SEMA3C: variants seen among roughly 807,000 people sequenced by gnomAD.
SEMA3C encodes the protein semaphorin 3C.
In SEMA3C, 47 loss-of-function variants were observed where a neutral mutation model predicts 89.4. That is an observed-to-expected ratio of 0.53 (90% CI 0.42 to 0.67). The LOEUF (loss-of-function observed/expected upper bound fraction) is 0.67, where lower values mean the gene tolerates loss of function less well. SEMA3C is among the 30% of genes least tolerant of loss of function. The probability of loss-of-function intolerance (pLI) is 0.00; values close to 1 mark genes in which losing one functional copy is unlikely to be tolerated. For synonymous variants in SEMA3C, 310 were observed against 320.2 expected, an observed-to-expected ratio of 0.97 and a Z score of 0.34; for missense variants, 839 against 929.1, an observed-to-expected ratio of 0.90 and a Z score of 1.26.
At chr7:80,863,269 A>G (rs1417422968) in intron 2 of SEMA3C, among the ~76,000 whole-genome samples, 2 of 151,452 alleles carry the variant, frequency 1.3e-5, no homozygotes, top group South Asian at 2.1e-4. Context: ...ACTAATGATC[A>G]GGGAAATGCA....
chr7:80,823,653 T>G (rs1789805511), intron 4 of SEMA3C, among the ~76,000 whole-genome samples: 1 of 152,070 alleles, frequency 6.6e-6, no homozygotes, highest in Non-Finnish European at 1.5e-5. Flanking sequence ...GGTTGTATGG[T>G]CACAGAAATA....
chr7:80,920,761 A>G (rs921320770), upstream of SEMA3C, among the ~76,000 whole-genome samples: 1 of 152,238 alleles, frequency 6.6e-6, no homozygotes, highest in South Asian at 2.1e-4. Context: ...TTAACCCCCC[A>G]AAAACTGACA....
chr7:80,809,324 T>C (rs1473472129), intron 6 of SEMA3C, among the ~76,000 whole-genome samples: 1 of 152,178 alleles, frequency 6.6e-6, no homozygotes, highest in African/African-American at 2.4e-5. Flanking sequence ...CACGTGCACT[T>C]TGTTCATCTT....
At chr7:80,845,240 G>A (rs576936289) in intron 2 of SEMA3C, among the ~76,000 whole-genome samples, 4 of 152,246 alleles carry the variant, frequency 2.6e-5, no homozygotes, top group African/African-American at 7.2e-5. Context: ...GGAAATGGGA[G>A]ACAAAAGGTA....
intron 16 of SEMA3C, among the ~76,000 whole-genome samples, chr7:80,749,498 C>T (rs1787877412): frequency 6.6e-6 from 1 of 152,100 alleles, no homozygotes; most frequent in East Asian, 1.9e-4. Flanking sequence ...TAGGTAAGCA[C>T]TGGGAAAGGG....
At chr7:80,835,909 A>G (rs560609421) in intron 2 of SEMA3C, among the ~76,000 whole-genome samples, 16 of 152,352 alleles carry the variant, frequency 1.1e-4, no homozygotes, top group African/African-American at 3.8e-4. Context: ...AGACTAAAAG[A>G]GGCAAGATTT....
chr7:80,819,537 T>C (rs1342699450), intron 4 of SEMA3C, among the ~76,000 whole-genome samples: 7 of 152,174 alleles, frequency 4.6e-5, no homozygotes, highest in Non-Finnish European at 8.8e-5. Context: ...ACCTTAAGAA[T>C]TGGCAAATAA....
chr7:80,910,619 C>A (rs1792120520), intron 2 of SEMA3C, among the ~76,000 whole-genome samples: 1 of 150,686 alleles, frequency 6.6e-6, no homozygotes, highest in African/African-American at 2.4e-5. Context: ...CTGGAATCTG[C>A]CCAAAGCTCA....
At chr7:80,805,174 T>G (rs921527752) in intron 7 of SEMA3C, among the ~76,000 whole-genome samples, 5 of 152,048 alleles carry the variant, frequency 3.3e-5, no homozygotes, top group African/African-American at 9.7e-5. Context: ...GTTTTGTAAT[T>G]TTAGAATCTA....
intron 2 of SEMA3C, among the ~76,000 whole-genome samples, chr7:80,864,000 ATATATCGCATG>A (rs1157070207): frequency 1.3e-5 from 2 of 150,546 alleles, no homozygotes; most frequent in African/African-American, 2.4e-5. Flanking sequence ...TATATCACAT[ATATATCGCATG>A]TATATCACAT....
chr7:80,858,706 T>C (rs1466209324), intron 2 of SEMA3C, among the ~76,000 whole-genome samples: 2 of 152,062 alleles, frequency 1.3e-5, no homozygotes, highest in Non-Finnish European at 2.9e-5. Flanking sequence ...AAAGCTTGAG[T>C]TATATCAGGT....
intron 6 of SEMA3C, among the ~76,000 whole-genome samples, chr7:80,808,796 C>T (rs919689149): frequency 3.3e-5 from 5 of 152,150 alleles, no homozygotes; most frequent in African/African-American, 1.2e-4. Flanking sequence ...AACTCAGAGA[C>T]AGAGTTTCAC....
chr7:80,748,515 G>A (rs997617107), intron 17 of SEMA3C, among the ~76,000 whole-genome samples: 2 of 152,162 alleles, frequency 1.3e-5, no homozygotes, highest in Non-Finnish European at 2.9e-5. Flanking sequence ...ATTTCTTGCT[G>A]AGGAAAACTG....
At chr7:80,820,938 C>T (rs940562691) in intron 4 of SEMA3C, among the ~76,000 whole-genome samples, 1 of 152,064 alleles carries the variant, frequency 6.6e-6, no homozygotes, top group Non-Finnish European at 1.5e-5. Flanking sequence ...ATGTCTCTCT[C>T]ATCTTGGGTC....
chr7:80,804,143 G>T lies in SEMA3C; in HGVS notation c.764C>A (p.Thr255Lys). ...AGCAATCATGGAATGAATCTGTTTC[G>T]TGCTCCTGTTATTGTCAGTCAGTTT... ...KEKLTDNNRS[T>K]KQIHSMIARI... Residue 255 changes from threonine to lysine, a missense_variant, in exon 8 of 18, where the codon ACG becomes AAG. Coordinates refer to ENST00000265361, the MANE Select transcript of SEMA3C (RefSeq NM_006379.5). The T allele has an allele frequency of 6.2e-7, 1 of 1,612,546 alleles. No individual in the cohort carries two copies. The highest frequency in any genetic ancestry group is 1.3e-5 in the African/African-American group (1 of 74,924).
intron 2 of SEMA3C, among the ~76,000 whole-genome samples, chr7:80,914,107 G>A (rs910545085): frequency 8.5e-5 from 13 of 152,312 alleles, no homozygotes; most frequent in African/African-American, 3.1e-4. Context: ...AATGACCTCT[G>A]TCTAATACAA....
chr7:80,764,745 C>T (rs919558055), intron 13 of SEMA3C, among the ~76,000 whole-genome samples: 1 of 151,966 alleles, frequency 6.6e-6, no homozygotes, highest in South Asian at 2.1e-4. Context: ...AAATTACTGG[C>T]TAAAAAAATA....
intron 2 of SEMA3C, among the ~76,000 whole-genome samples, chr7:80,882,414 T>A (rs1212997457): frequency 8.6e-6 from 1 of 116,808 alleles, no homozygotes; most frequent in Non-Finnish European, 1.8e-5. Context: ...AAGGGATGCT[T>A]TTTTTTTTTT....
chr7:80,908,327 C>G (rs1418131496), intron 2 of SEMA3C, among the ~76,000 whole-genome samples: 1 of 152,066 alleles, frequency 6.6e-6, no homozygotes, highest in Admixed American at 6.6e-5. Context: ...GAATGAAGTG[C>G]CAGCTTGGTG....
Sources: gnomAD v4.1 joint callset for allele counts (sites outside exome capture counted in the v4.1 genomes callset) on GRCh38, gnomAD v4.1.1 for gene constraint, MANE v1.5 for transcripts, NCBI Gene and HGNC (gene_info 2026-07-23, HGNC 2026-07-21) for gene names.